Variants in GPC5 observed in about 807,000 individuals in gnomAD.
The protein encoded by GPC5 is glypican-5.
A neutral mutation model predicts 53.9 loss-of-function variants in GPC5; 47 were observed. The observed-to-expected ratio is 0.87, with a 90% CI of 0.69 to 1.11. The LOEUF is 1.11. GPC5 is among the 50% of genes most tolerant of loss of function. The pLI, the probability that GPC5 is intolerant of heterozygous loss-of-function variation, is 0.00. For missense variants in GPC5, 748 were observed against 713.1 expected, an observed-to-expected ratio of 1.05 and a Z score of -0.56; for synonymous variants, 286 against 263.3, an observed-to-expected ratio of 1.09 and a Z score of -0.84.
chr13:91,644,042 A>C (rs144252051), intron 2 of GPC5, among the ~76,000 whole-genome samples: 1,649 of 150,862 alleles, frequency 0.011, 33 homozygotes, highest in African/African-American at 0.038. Flanking sequence ...TTGGGGATAC[A>C]CTTCAACCCA....
At chr13:91,940,188 C>A (rs1478147789) in intron 6 of GPC5, among the ~76,000 whole-genome samples, 1 of 152,058 alleles carries the variant, frequency 6.6e-6, no homozygotes, top group East Asian at 1.9e-4. Flanking sequence ...TTGTTTCCAT[C>A]TTTATGTCTG....
intron 7 of GPC5, among the ~76,000 whole-genome samples, chr13:92,528,224 C>T (rs1285049815): frequency 6.6e-6 from 1 of 151,924 alleles, no homozygotes; most frequent in Admixed American, 6.6e-5. Flanking sequence ...AATCTGCTAC[C>T]CGTTATTTCT....
intron 5 of GPC5, among the ~76,000 whole-genome samples, chr13:91,865,944 C>T (rs547935542): frequency 2.6e-5 from 4 of 152,232 alleles, no homozygotes; most frequent in East Asian, 1.9e-4. Context: ...CTCTGCTCGC[C>T]GCAACATCTG....
chr13:92,519,066 C>T (rs564572103), intron 7 of GPC5, among the ~76,000 whole-genome samples: 7 of 152,176 alleles, frequency 4.6e-5, no homozygotes, highest in Non-Finnish European at 7.3e-5. Context: ...ATCAATTCAA[C>T]AAGAAGACCT....
At chr13:92,778,540 C>G (rs560244042) in intron 7 of GPC5, among the ~76,000 whole-genome samples, 3 of 152,180 alleles carry the variant, frequency 2.0e-5, no homozygotes, top group African/African-American at 7.2e-5. Flanking sequence ...GTACTTAATG[C>G]ATGTGACATT....
intron 7 of GPC5, among the ~76,000 whole-genome samples, chr13:92,693,730 ATTTACAG>A (rs1887478953): frequency 4.6e-5 from 7 of 152,164 alleles, no homozygotes; most frequent in Admixed American, 3.9e-4. Flanking sequence ...AGTTTGGAAA[ATTTACAG>A]CCTGACCATG....
chr13:92,207,153 C>T (rs981312200), intron 7 of GPC5, among the ~76,000 whole-genome samples: 1 of 152,160 alleles, frequency 6.6e-6, no homozygotes, highest in Non-Finnish European at 1.5e-5. Context: ...GTTCTGACTA[C>T]CAGCAGCAGT....
chr13:91,707,193 C>A (rs1293937036), intron 3 of GPC5, among the ~76,000 whole-genome samples: 1 of 152,042 alleles, frequency 6.6e-6, no homozygotes, highest in Non-Finnish European at 1.5e-5. Flanking sequence ...CATACACACT[C>A]TCCAAAGAAG....
intron 7 of GPC5, among the ~76,000 whole-genome samples, chr13:92,638,737 T>C (rs544558111): frequency 6.6e-6 from 1 of 152,176 alleles, no homozygotes; most frequent in Non-Finnish European, 1.5e-5. Context: ...GGGCCACCAC[T>C]CTTGTCTGTG....
At chr13:91,906,703 G>A (rs375316886) in intron 5 of GPC5, among the ~76,000 whole-genome samples, 1 of 151,894 alleles carries the variant, frequency 6.6e-6, no homozygotes, top group South Asian at 2.1e-4. Flanking sequence ...AGACATCTTT[G>A]TGACTAATGA....
chr13:92,097,426 T>G (rs537429772), intron 6 of GPC5, among the ~76,000 whole-genome samples: 1 of 152,316 alleles, frequency 6.6e-6, no homozygotes, highest in African/African-American at 2.4e-5. Flanking sequence ...ACGTGTACTC[T>G]GAAAAAGCTG....
At chr13:92,637,691 A>G (rs1947341814) in intron 7 of GPC5, among the ~76,000 whole-genome samples, 1 of 152,192 alleles carries the variant, frequency 6.6e-6, no homozygotes, top group Admixed American at 6.5e-5. Flanking sequence ...TCGGCACAAA[A>G]TAAGGTAAAA....
chr13:91,679,800 A>G (rs1485882607), intron 2 of GPC5, among the ~76,000 whole-genome samples: 2 of 152,210 alleles, frequency 1.3e-5, no homozygotes, highest in East Asian at 3.8e-4. Context: ...CATATTTTTC[A>G]TGTTCTATGT....
At chr13:91,661,591 T>C (rs1200729644) in intron 2 of GPC5, among the ~76,000 whole-genome samples, 1 of 152,222 alleles carries the variant, frequency 6.6e-6, no homozygotes, top group Non-Finnish European at 1.5e-5. Context: ...ACCTTCTACA[T>C]AGGGCTTGAG....
At chr13:92,465,665 A>G (rs1878662974) in intron 7 of GPC5, among the ~76,000 whole-genome samples, 1 of 151,926 alleles carries the variant, frequency 6.6e-6, no homozygotes, top group Admixed American at 6.6e-5. Context: ...TTCAAGCAAA[A>G]CCATTCTTTG....
At chr13:92,599,990 A>C (rs1883995781) in intron 7 of GPC5, among the ~76,000 whole-genome samples, 1 of 152,214 alleles carries the variant, frequency 6.6e-6, no homozygotes, top group East Asian at 1.9e-4. Context: ...CATTTAACAT[A>C]GGACTTGGTG....
chr13:92,574,456 T>C (rs1425968572), intron 7 of GPC5, among the ~76,000 whole-genome samples: 1 of 152,196 alleles, frequency 6.6e-6, no homozygotes, highest in Non-Finnish European at 1.5e-5. Context: ...GTCTGGAAAA[T>C]AGTAATCTCT....
At chr13:92,326,738 G>A (rs1472779117) in intron 7 of GPC5, among the ~76,000 whole-genome samples, 4 of 152,106 alleles carry the variant, frequency 2.6e-5, no homozygotes, top group African/African-American at 9.7e-5. Flanking sequence ...TCAAGTAAAG[G>A]AAACATATTT....
intron 6 of GPC5, among the ~76,000 whole-genome samples, chr13:91,950,138 G>A (rs1019869804): frequency 3.9e-5 from 6 of 151,976 alleles, no homozygotes; most frequent in African/African-American, 1.4e-4. Context: ...TTGACAGCAG[G>A]GTCAGCAGAT....
Sources: allele counts gnomAD v4.1 joint callset (sites outside exome capture counted in the v4.1 genomes callset), GRCh38; gene constraint gnomAD v4.1.1; transcripts MANE v1.5; gene names NCBI Gene and HGNC (gene_info 2026-07-23, HGNC 2026-07-21).